Variants in SPINDOC observed in about 807,000 individuals in gnomAD.
SPINDOC encodes spindlin interactor and repressor of chromatin binding, also known as spindlin interactor and repressor of chromatin-binding protein.
In SPINDOC, 13 loss-of-function variants were observed where a neutral mutation model predicts 30.7. The observed-to-expected ratio is 0.42, with a 90% CI of 0.28 to 0.67. The LOEUF (loss-of-function observed/expected upper bound fraction) is 0.67. Ranked by LOEUF, SPINDOC falls within the 30% of genes least tolerant of loss-of-function variation. SPINDOC has a pLI of 0.22. For missense variants in SPINDOC, 438 were observed against 518.0 expected, an observed-to-expected ratio of 0.85 and a Z score of 1.50; for synonymous variants, 228 against 211.4, an observed-to-expected ratio of 1.08 and a Z score of -0.68.
At chr11:63,820,110 A>C (rs2015468743) in intron 5 of SPINDOC, among the ~76,000 whole-genome samples, 1 of 152,160 alleles carries the variant, frequency 6.6e-6, no homozygotes, top group African/African-American at 2.4e-5. Context: ...AGAAGCTTAC[A>C]TACAAGGCAA....
rs7117571 is a variant in SPINDOC at position 63,826,251 on chromosome 11, C to T, written c.935-677C>T. On this transcript the variant is annotated intron_variant, in intron 5 of 5. Coordinates refer to ENST00000294244, the MANE Select transcript of SPINDOC (RefSeq NM_138471.3). ...ATGCCCAGCCCTAATGTAACGTAACCTTTGCACACGTCCCTGTTGCGTGCT... is the reference window on the plus strand; with the variant it reads ...ATGCCCAGCCCTAATGTAACGTAACTTTTGCACACGTCCCTGTTGCGTGCT... Among the ~76,000 whole-genome samples the T allele has an allele frequency of 4.2e-3, 644 of 152,286 alleles. 6 individuals are homozygous for T. Among genetic ancestry groups the T allele is most frequent in the African/African-American group, 0.014 (593 of 41,554 alleles).
intron 5 of SPINDOC, among the ~76,000 whole-genome samples, chr11:63,825,261 G>A (rs754790373): frequency 6.6e-6 from 1 of 152,046 alleles, no homozygotes; most frequent in Non-Finnish European, 1.5e-5. Context: ...CCCACATCCC[G>A]CTCCCCGCAC....
intron 5 of SPINDOC, among the ~76,000 whole-genome samples, chr11:63,822,202 G>A (rs995750032): frequency 2.6e-5 from 4 of 151,604 alleles, no homozygotes; most frequent in Non-Finnish European, 4.4e-5. Context: ...AATTAACTGG[G>A]CATGTTGGTG....
chr11:63,816,028 A>G (rs758243893), intron 1 of SPINDOC, among the ~76,000 whole-genome samples: 1 of 152,104 alleles, frequency 6.6e-6, no homozygotes. Context: ...CGGCCTCCCA[A>G]AGTGCTAGGA....
Position 63,817,892 on chromosome 11 carries a change from C to T in SPINDOC, c.215C>T (p.Ser72Phe). ...DGCEEPKQQV[S>F]WEQEFLVGSS... The stretch of plus-strand genomic sequence containing the variant: ...TGTGAGGAGCCGAAGCAGCAGGTGT[C>T]TTGGGAGCAGGAGTTCCTGGTGGGC... Residue 72 changes from serine to phenylalanine, a missense_variant, in exon 2 of 6, where the codon TCT becomes TTT. Physicochemically the swap from Ser to Phe is radical, Grantham distance 155. This residue lies in a region of SPINDOC where 129 missense variants were observed against 152.7 expected (regional missense o/e 0.84). Coordinates refer to ENST00000294244, the MANE Select transcript of SPINDOC (RefSeq NM_138471.3). 1 of 1,613,630 alleles carries T rather than the reference C, an allele frequency of 6.2e-7. No homozygotes were observed. The highest frequency in any genetic ancestry group is 8.5e-7 in the Non-Finnish European group (1 of 1,179,842).
chr11:63,818,686 G>A lies in SPINDOC; in HGVS notation c.733+34G>A. 6.2e-7 allele frequency: 1 copy of A among 1,612,672 alleles called. No individual in the cohort carries two copies. Among genetic ancestry groups the A allele is most frequent in the South Asian group, 1.1e-5 (1 of 91,026 alleles). On this transcript the variant is annotated intron_variant, in intron 4 of 5. Transcript: ENST00000294244. This position sits in a 1 kb window ranked among gnomAD's most constrained non-coding sequence, Gnocchi z 5.3. ...GAGGCCCGGGGGAGGCGTGGGCTCT[G>A]GCCGCAGTGCTCTGAGGAAATCCGC...
At chr11:63,819,095 A>G (rs907245171) in intron 5 of SPINDOC, 93 bp downstream of exon 5, 13 of 14,466 alleles carry the variant, frequency 9.0e-4, no homozygotes, top group African/African-American at 5.4e-3. Context: ...CAGAGCCCAC[A>G]GTAGGGGTGG....
At chr11:63,823,656 C>A (rs1004683907) in intron 5 of SPINDOC, among the ~76,000 whole-genome samples, 1 of 148,140 alleles carries the variant, frequency 6.8e-6, no homozygotes, top group Non-Finnish European at 1.5e-5. Flanking sequence ...AGTGCAGTGG[C>A]GTGATCTTGG....
intron 1 of SPINDOC, among the ~76,000 whole-genome samples, chr11:63,816,698 C>T (rs549866094): frequency 6.6e-6 from 1 of 152,282 alleles, no homozygotes; most frequent in South Asian, 2.1e-4. Flanking sequence ...ACTGAGCTTC[C>T]AGGCTGATGC....
At chr11:63,815,702 C>T (rs757956813) in intron 1 of SPINDOC, among the ~76,000 whole-genome samples, 1 of 151,718 alleles carries the variant, frequency 6.6e-6, no homozygotes, top group Non-Finnish European at 1.5e-5. Context: ...CCACTGCATG[C>T]GAGGAGATAC....
chr11:63,824,743 G>A (rs1264519589), intron 5 of SPINDOC, among the ~76,000 whole-genome samples: 2 of 147,266 alleles, frequency 1.4e-5, no homozygotes, highest in Non-Finnish European at 3.0e-5. Context: ...CCAGCCTGGC[G>A]ACAGAGCGAG....
chr11:63,813,818 G>A lies in SPINDOC; in HGVS notation c.127+5G>A. On this transcript the variant is annotated splice_donor_5th_base_variant and intron_variant, in intron 1 of 5. Coordinates refer to ENST00000294244, the MANE Select transcript of SPINDOC (RefSeq NM_138471.3). Reference sequence around the variant, plus strand: ...GGCCCGAGCCGATGCTCAGAGGTGAGGATGGAGGGGATTCCACTTCCGCGT... The same window carrying A: ...GGCCCGAGCCGATGCTCAGAGGTGAAGATGGAGGGGATTCCACTTCCGCGT... The A allele has an allele frequency of 3.3e-6, 5 of 1,534,458 alleles. No homozygotes were observed. Among genetic ancestry groups the A allele is most frequent in the South Asian group, 1.2e-5 (1 of 83,852 alleles).
Position 63,827,334 on chromosome 11 carries a change from A to G in SPINDOC, c.*195A>G, listed in dbSNP as rs1023361035. 47 of 984,938 alleles carry G rather than the reference A, an allele frequency of 4.8e-5. No homozygotes were observed. The African/African-American group carries it at 7.5e-4, about 16-fold the overall frequency. The allele number at this position is 984,938 out of a possible 1,614,324, so 61.0% of individuals were successfully genotyped here. A position where few individuals can be genotyped will look rare whatever the true frequency, so the allele number is the denominator to read the frequency against. Reference sequence around the variant, plus strand: ...TTCCTGGCCAGGCCTGAGGTCGGCGAGGGTGGCTGAGGCTGTTGTGCAGTA... The same window carrying G: ...TTCCTGGCCAGGCCTGAGGTCGGCGGGGGTGGCTGAGGCTGTTGTGCAGTA... On this transcript the variant is annotated 3_prime_UTR_variant, in exon 6 of 6. Transcript: ENST00000294244.
At chr11:63,820,257 G>A (rs186963804) in intron 5 of SPINDOC, among the ~76,000 whole-genome samples, 385 of 150,086 alleles carry the variant, frequency 2.6e-3, no homozygotes, top group African/African-American at 9.2e-3. Context: ...AATTAGCCAG[G>A]TGTGGTGGCA....
chr11:63,817,938 G>A lies in SPINDOC; in HGVS notation c.261G>A (p.Gly87=), dbSNP rs1363519468. Residue 87 remains glycine (G), a synonymous_variant, in exon 2 of 6, where the codon GGG becomes GGA. Coordinates refer to ENST00000294244, the MANE Select transcript of SPINDOC (RefSeq NM_138471.3). Reference sequence around the variant, plus strand: ...TGGGCAGCAGCCCAGGAGGCAGCGGGCGGGCACTGTGCATGGTGTGTGGCG... The same window carrying A: ...TGGGCAGCAGCCCAGGAGGCAGCGGACGGGCACTGTGCATGGTGTGTGGCG... ...FLVGSSPGGS[G]RALCMVCGAE... is the part of the protein sequence containing the mutation. 6.2e-7 allele frequency: 1 copy of A among 1,614,100 alleles called. No homozygotes were observed. The highest frequency in any genetic ancestry group is 1.1e-5 in the South Asian group (1 of 91,076).
In SPINDOC at chr11:63,813,626, G is replaced by C. The variant is rs2015254073; in HGVS notation, c.-61G>C. The C allele has an allele frequency of 1.3e-5, 19 of 1,423,544 alleles. No individual in the cohort carries two copies. The highest frequency in any genetic ancestry group is 6.2e-5 in the East Asian group (2 of 32,422). 88.2% of individuals were successfully genotyped at this position (1,423,544 alleles called of 1,614,324 possible). On this transcript the variant is annotated 5_prime_UTR_variant, in exon 1 of 6. Transcript: ENST00000294244. ...GGCCAGGAGGCGGGAGGCGGTTGCCGGCTGCGCGCCGAAGCCTGCGCGCCA... is the reference window on the plus strand; with the variant it reads ...GGCCAGGAGGCGGGAGGCGGTTGCCCGCTGCGCGCCGAAGCCTGCGCGCCA...
At chr11:63,822,582 G>A (rs778787514) in intron 5 of SPINDOC, 10 of 1,287,940 alleles carry the variant, frequency 7.8e-6, no homozygotes, top group Non-Finnish European at 9.1e-6. Context: ...TTCTGATCTC[G>A]AGGCAGGCCT....
chr11:63,824,589 C>T (rs2015606589), intron 5 of SPINDOC, among the ~76,000 whole-genome samples: 1 of 144,402 alleles, frequency 6.9e-6, no homozygotes, highest in African/African-American at 2.4e-5. Context: ...GAGATCTCAT[C>T]CAGGTTCACA....
Position 63,818,179 on chromosome 11 carries a change from G to A in SPINDOC, c.458-37G>A, listed in dbSNP as rs1199904249. The A allele has an allele frequency of 6.2e-7, 1 of 1,613,316 alleles. No individual in the cohort carries two copies. The highest frequency in any genetic ancestry group is 1.7e-5 in the Admixed American group (1 of 59,998). On this transcript the variant is annotated intron_variant, in intron 2 of 5. Coordinates refer to ENST00000294244, the MANE Select transcript of SPINDOC (RefSeq NM_138471.3). This position sits in a 1 kb window ranked among gnomAD's most constrained non-coding sequence, Gnocchi z 5.3. ...GCGAAGGGAGAAGTCGGACTTGTTGGGGCACTAGAAGCTCATTGTGCTCTT... is the reference window on the plus strand; with the variant it reads ...GCGAAGGGAGAAGTCGGACTTGTTGAGGCACTAGAAGCTCATTGTGCTCTT...
Sources: gnomAD v4.1 joint callset for allele counts (sites outside exome capture counted in the v4.1 genomes callset) on GRCh38, gnomAD v4.1.1 for gene constraint, gnomAD v4.1.1 regional missense constraint, Gnocchi (gnomAD v3.1) non-coding constraint, MANE v1.5 for transcripts, NCBI Gene and HGNC (gene_info 2026-07-23, HGNC 2026-07-21) for gene names.